Variants in CERS5 observed in about 807,000 individuals in gnomAD.
The protein encoded by CERS5 is LAG1 homolog, ceramide synthase 5.
A neutral mutation model predicts 58.9 loss-of-function variants in CERS5; 37 were observed. That is an observed-to-expected ratio of 0.63 (90% confidence interval 0.48 to 0.83). CERS5 has a LOEUF of 0.83. Among genes scored for constraint, CERS5 ranks in the 40% least tolerant of loss-of-function variants. The pLI is 0.00. For synonymous variants in CERS5, 147 were observed against 177.8 expected (o/e 0.83, Z 1.38); for missense variants, 398 against 489.3 (o/e 0.81, Z 1.76).
chr12:50,138,669 C>G (rs773101326), intron 4 of CERS5, 52 bp from the exon 5 acceptor site: 1 of 1,449,440 alleles, frequency 6.9e-7, no homozygotes, highest in Non-Finnish European at 9.7e-7. Flanking sequence ...CACCTGGCTT[C>G]AAGATCTACC....
In CERS5 at chr12:50,130,559, AG is replaced by A; in HGVS notation, c.1164del (p.Trp389GlyfsTer18). On this transcript the variant is annotated frameshift_variant, in exon 10 of 10. Transcript: ENST00000317551. LOFTEE classifies it high-confidence loss of function. ...NRVNGHMGGS[Y>X]WAEE is the part of the protein sequence containing the mutation. ...TAGCAACCACCTTACTCTTCAGCCC[AG>A]TAGCTGCCTCCCATGTGACCATTCA... The A allele has an allele frequency of 6.2e-7, 1 of 1,607,408 alleles. No individual in the cohort carries two copies. Among genetic ancestry groups the A allele is most frequent in the Admixed American group, 1.7e-5 (1 of 59,894 alleles).
intron 6 of CERS5, 30 bp from the exon 7 acceptor site, chr12:50,136,099 G>A (rs1951684178): frequency 2.1e-6 from 3 of 1,448,864 alleles, no homozygotes; most frequent in East Asian, 4.9e-5. Context: ...GAAGAGGGAG[G>A]TAAAAGCTGG....
At chr12:50,148,917 A>ATATATATAT (rs1247551133) in intron 1 of CERS5, among the ~76,000 whole-genome samples, 24 of 61,960 alleles carry the variant, frequency 3.9e-4, no homozygotes, top group South Asian at 2.8e-3. Flanking sequence ...AAAAAAAAAA[A>ATATATATAT]AAAAAAAAAA....
At position 50,134,526 on chromosome 12, in the gene CERS5, A is replaced by T. The variant is rs984519060; in HGVS notation, c.1029+20T>A. ...CCTATCTTCCATACCCAAAAGAAAG[A>T]AGCCATCTTTCATCCTCACCTTTCC... On this transcript the variant is annotated intron_variant, in intron 9 of 9. Transcript: ENST00000317551. 1.2e-6 allele frequency: 2 copies of T among 1,614,008 alleles called. No individual in the cohort carries two copies. Among genetic ancestry groups the T allele is most frequent in the Middle Eastern group, 1.6e-4 (1 of 6,084 alleles).
intron 1 of CERS5, chr12:50,144,555 T>A (rs1014408009): frequency 2.6e-6 from 1 of 383,416 alleles, no homozygotes; most frequent in Non-Finnish European, 4.7e-6. Flanking sequence ...GAGGGAAAAG[T>A]AGAACTGAGA....
At chr12:50,165,966 T>TGGACAAA (rs1266578637) in intron 1 of CERS5, 1 of 454,400 alleles carries the variant, frequency 2.2e-6, no homozygotes, top group South Asian at 1.6e-5. Context: ...TATGATCCAT[T>TGGACAAA]CACTTAAAGG....
chr12:50,154,438 T>C (rs753392703), intron 1 of CERS5: 2 of 157,190 alleles, frequency 1.3e-5, no homozygotes, highest in African/African-American at 4.8e-5. Context: ...GCTATTAAAA[T>C]ACTTCCTGCT....
intron 4 of CERS5, among the ~76,000 whole-genome samples, chr12:50,139,722 G>A (rs1321692104): frequency 6.6e-6 from 1 of 152,020 alleles, no homozygotes; most frequent in East Asian, 1.9e-4. Context: ...GAACCCAGGA[G>A]GCAGAGGTTG....
chr12:50,167,164 C>T lies in CERS5; in HGVS notation c.134G>A (p.Arg45Gln). The T allele has an allele frequency of 1.3e-6, 2 of 1,598,828 alleles. No individual in the cohort carries two copies. The highest frequency in any genetic ancestry group is 4.6e-5 in the East Asian group (2 of 43,764). Residue 45 changes from arginine (R) to glutamine (Q), a missense_variant, in exon 1 of 10, where the codon CGG becomes CAG. Around this residue, in one of 3 missense-constraint regions of CERS5, gnomAD observed 328 missense variants for 384.5 expected, o/e 0.85. Coordinates refer to ENST00000317551, the MANE Select transcript of CERS5 (RefSeq NM_147190.5). Reference sequence around the variant, plus strand: ...CAGCGGGAACACCGAGAGGATGTGCCGGCCGCGGGGGTAACCGTAGCCGTC... The same window carrying T: ...CAGCGGGAACACCGAGAGGATGTGCTGGCCGCGGGGGTAACCGTAGCCGTC... ...PADGYGYPRG[R>Q]HILSVFPLAA...
At chr12:50,158,060 C>CAAAAAAAA (rs11388385) in intron 1 of CERS5, among the ~76,000 whole-genome samples, 2 of 81,362 alleles carry the variant, frequency 2.5e-5, no homozygotes, top group Non-Finnish European at 4.6e-5. Context: ...AGACCATGAC[C>CAAAAAAAA]AAAAAAAAAA....
intron 1 of CERS5, chr12:50,165,316 G>T (rs1197723659): frequency 6.6e-6 from 1 of 152,132 alleles, no homozygotes; most frequent in Admixed American, 6.6e-5. Flanking sequence ...CTACTCGGGA[G>T]ACTGAAGCAG....
At chr12:50,144,954 T>G in intron 1 of CERS5, 1 of 382,174 alleles carries the variant, frequency 2.6e-6, no homozygotes, top group Non-Finnish European at 4.8e-6. Context: ...GTCAACATAG[T>G]GAAACCCCGT....
chr12:50,156,609 A>G (rs1216679590), intron 1 of CERS5, among the ~76,000 whole-genome samples: 1 of 151,774 alleles, frequency 6.6e-6, no homozygotes, highest in Non-Finnish European at 1.5e-5. Flanking sequence ...TAAAAAATTT[A>G]TCAGTATTAG....
chr12:50,160,025 C>A (rs1280632195), intron 1 of CERS5, among the ~76,000 whole-genome samples: 1 of 151,858 alleles, frequency 6.6e-6, no homozygotes, highest in Non-Finnish European at 1.5e-5. Flanking sequence ...AAAATTGAGA[C>A]CAGGTGTGGT....
chr12:50,137,634 C>A, intron 6 of CERS5, 94 bp downstream of exon 6: 1 of 696,500 alleles, frequency 1.4e-6, no homozygotes, highest in South Asian at 1.8e-5. Flanking sequence ...CTTTTGCAGT[C>A]TCAGGGAAGA....
At chr12:50,150,236 C>G (rs963052959) in intron 1 of CERS5, among the ~76,000 whole-genome samples, 1 of 152,156 alleles carries the variant, frequency 6.6e-6, no homozygotes, top group African/African-American at 2.4e-5. Context: ...TGGCATGTGC[C>G]CATGGTCCCA....
Position 50,156,360 on chromosome 12 carries a change from C to T in CERS5, c.197+10741G>A, listed in dbSNP as rs1239603960. Among the ~76,000 whole-genome samples, 4 of 144,048 alleles carry T rather than the reference C, an allele frequency of 2.8e-5. No homozygotes were observed. The East Asian group carries it at 5.9e-4, about 21-fold the overall frequency. The allele number at this position is 144,048 out of a possible 152,430, so 94.5% of individuals were successfully genotyped here. ...CAGAGCTTGCAGTGAGCCAACATCA[C>T]GCCACTGCACTCCAGCCTGGGTGAC... On this transcript the variant is annotated intron_variant, in intron 1 of 9. Coordinates refer to ENST00000317551, the MANE Select transcript of CERS5 (RefSeq NM_147190.5).
chr12:50,167,340 G>C lies in CERS5; in HGVS notation c.-43C>G, dbSNP rs1204057341. The C allele has an allele frequency of 6.9e-7, 1 of 1,457,716 alleles. No individual in the cohort carries two copies. The highest frequency in any genetic ancestry group is 9.0e-7 in the Non-Finnish European group (1 of 1,114,910). 90.3% of individuals were successfully genotyped at this position (1,457,716 alleles called of 1,614,324 possible). ...GCCACCGCCGCCACAAGCGTCAGCT[G>C]CCGCCACAGCCAACGGAACCCGCGG... On this transcript the variant is annotated 5_prime_UTR_variant, in exon 1 of 10. Transcript: ENST00000317551.
intron 9 of CERS5, 200 bp downstream of exon 9, chr12:50,134,346 C>T (rs1951507963): frequency 7.1e-7 from 1 of 1,401,888 alleles, no homozygotes; most frequent in Non-Finnish European, 9.4e-7. Context: ...TGAACTCCAG[C>T]CTGGGTGACA....
Sources: allele counts gnomAD v4.1 joint callset (sites outside exome capture counted in the v4.1 genomes callset), GRCh38; gene constraint gnomAD v4.1.1; regional missense constraint gnomAD v4.1.1; transcripts MANE v1.5; gene names NCBI Gene and HGNC (gene_info 2026-07-23, HGNC 2026-07-21).